OSBPL10: variants seen among roughly 807,000 people sequenced by gnomAD.
OSBPL10 encodes the protein oxysterol binding protein like 10.
Under a neutral mutation model 81.7 loss-of-function variants are expected in OSBPL10, and 49 were observed. The observed-to-expected ratio is 0.60, with a 90% CI of 0.48 to 0.76. The LOEUF is 0.76. OSBPL10 is among the 30% of genes least tolerant of loss of function. The probability of loss-of-function intolerance (pLI) is 0.00; values close to 1 mark genes in which losing one functional copy is unlikely to be tolerated. For missense variants in OSBPL10, 923 were observed against 987.8 expected (o/e 0.93, Z 0.88); for synonymous variants, 419 against 383.6 (o/e 1.09, Z -1.08).
intron 11 of OSBPL10, chr3:31,662,412 A>G: frequency 8.8e-7 from 1 of 1,140,592 alleles, no homozygotes; most frequent in Non-Finnish European, 1.1e-6. Context: ...AAGCACTTTG[A>G]CAGTGGGACA....
intron 2 of OSBPL10, among the ~76,000 whole-genome samples, chr3:31,993,944 A>G (rs1699062670): frequency 6.6e-6 from 1 of 152,214 alleles, no homozygotes; most frequent in South Asian, 2.1e-4. Flanking sequence ...CTTATTCATA[A>G]TCATCAAAAC....
At chr3:31,695,246 T>C (rs1336041341) in intron 7 of OSBPL10, among the ~76,000 whole-genome samples, 2 of 152,218 alleles carry the variant, frequency 1.3e-5, no homozygotes, top group South Asian at 4.1e-4. Flanking sequence ...GAGGTTTTTC[T>C]ATATCTGTAA....
chr3:31,965,522 C>CTATTATATTATATAAATTATA (rs1698319540), intron 1 of OSBPL10, among the ~76,000 whole-genome samples: 1 of 29,940 alleles, frequency 3.3e-5, no homozygotes, highest in East Asian at 7.4e-4. Context: ...AATATATAAA[C>CTATTATATTATATAAATTATA]TATTATATTA....
At chr3:31,965,344 T>C (rs183565256) in intron 1 of OSBPL10, among the ~76,000 whole-genome samples, 3,156 of 132,816 alleles carry the variant, frequency 0.024, 208 homozygotes, top group African/African-American at 0.095. Flanking sequence ...CACTCCAGCC[T>C]GGGTGACAGA....
intron 1 of OSBPL10, among the ~76,000 whole-genome samples, chr3:31,935,970 G>C (rs1697372149): frequency 6.6e-6 from 1 of 152,158 alleles, no homozygotes; most frequent in Non-Finnish European, 1.5e-5. Context: ...CACCATTCTA[G>C]TGAGAAAAAT....
intron 1 of OSBPL10, among the ~76,000 whole-genome samples, chr3:32,051,331 T>C (rs1184843697): frequency 6.6e-6 from 1 of 152,244 alleles, no homozygotes; most frequent in Non-Finnish European, 1.5e-5. Context: ...CATTGTGTTA[T>C]CTGACTTTTT....
At chr3:31,717,003 C>T (rs1378635093) in intron 6 of OSBPL10, 1 of 152,176 alleles carries the variant, frequency 6.6e-6, no homozygotes, top group Non-Finnish European at 1.5e-5. Context: ...TCAGGAGCAT[C>T]ACAAACCACA....
At chr3:31,914,397 T>C (rs567262557) in intron 1 of OSBPL10, among the ~76,000 whole-genome samples, 1 of 152,210 alleles carries the variant, frequency 6.6e-6, no homozygotes, top group Non-Finnish European at 1.5e-5. Context: ...GTGTGACTTA[T>C]CAGAGTCTGT....
intron 1 of OSBPL10, among the ~76,000 whole-genome samples, chr3:31,950,573 A>G (rs1575055776): frequency 6.6e-6 from 1 of 152,218 alleles, no homozygotes; most frequent in South Asian, 2.1e-4. Context: ...TGGAACATCC[A>G]AATACCCTGA....
chr3:31,749,087 C>T (rs1041922367), intron 4 of OSBPL10, among the ~76,000 whole-genome samples: 5 of 152,130 alleles, frequency 3.3e-5, no homozygotes, highest in South Asian at 4.1e-4. Context: ...TTCTCTGGTC[C>T]GCTGTTTTTT....
chr3:31,970,304 C>G (rs1698522525), intron 1 of OSBPL10, among the ~76,000 whole-genome samples: 1 of 152,186 alleles, frequency 6.6e-6, no homozygotes, highest in Admixed American at 6.5e-5. Context: ...ACAAAGTCCT[C>G]TGAGGCCAGA....
intron 8 of OSBPL10, among the ~76,000 whole-genome samples, chr3:31,679,257 C>T (rs1331590367): frequency 3.3e-5 from 5 of 152,184 alleles, no homozygotes; most frequent in Non-Finnish European, 7.3e-5. Context: ...TGCAACCTCC[C>T]TGCCCCAGCT....
chr3:31,960,895 T>C (rs1011059082), intron 1 of OSBPL10, among the ~76,000 whole-genome samples: 4 of 151,976 alleles, frequency 2.6e-5, no homozygotes, highest in African/African-American at 9.7e-5. Context: ...AAAGGGAAAA[T>C]AGATTACAAG....
At chr3:31,952,302 T>C (rs1193791513) in intron 1 of OSBPL10, among the ~76,000 whole-genome samples, 2 of 152,178 alleles carry the variant, frequency 1.3e-5, no homozygotes, top group African/African-American at 4.8e-5. Context: ...TCCAGGTTCT[T>C]TTCTTGTTTT....
intron 4 of OSBPL10, among the ~76,000 whole-genome samples, chr3:31,764,908 G>A (rs1001854121): frequency 2.5e-4 from 38 of 152,080 alleles, no homozygotes; most frequent in Middle Eastern, 3.4e-3. Flanking sequence ...TTCCTTCTTC[G>A]ACCCCGGCTT....
chr3:31,739,799 T>C (rs919353578), intron 5 of OSBPL10, among the ~76,000 whole-genome samples: 5 of 152,268 alleles, frequency 3.3e-5, no homozygotes, highest in African/African-American at 1.2e-4. Context: ...TTTATAATAC[T>C]GTAGCAGCCC....
intron 1 of OSBPL10, among the ~76,000 whole-genome samples, chr3:31,899,915 T>C (rs1336403399): frequency 6.6e-6 from 1 of 152,138 alleles, no homozygotes; most frequent in African/African-American, 2.4e-5. Context: ...AAAAGCACCT[T>C]AGTAATATAC....
chr3:31,759,735 G>C (rs190171385), intron 4 of OSBPL10, among the ~76,000 whole-genome samples: 2 of 151,994 alleles, frequency 1.3e-5, no homozygotes, highest in Non-Finnish European at 2.9e-5. Flanking sequence ...AACAAAGCAA[G>C]AGAAAAGAGA....
chr3:31,923,455 A>G (rs1696978511), intron 1 of OSBPL10, among the ~76,000 whole-genome samples: 1 of 152,140 alleles, frequency 6.6e-6, no homozygotes. Flanking sequence ...CAACCAAAAA[A>G]CTGCCTCTTT....
Sources: allele counts gnomAD v4.1 joint callset (sites outside exome capture counted in the v4.1 genomes callset), GRCh38; gene constraint gnomAD v4.1.1; transcripts MANE v1.5; gene names NCBI Gene and HGNC (gene_info 2026-07-23, HGNC 2026-07-21).